The following NAV3 variants were observed in gnomAD, a reference collection of about 807,000 sequenced individuals.
The protein encoded by NAV3 is neuron navigator 3.
A neutral mutation model predicts 244.7 loss-of-function variants in NAV3; 87 were observed. That is an observed-to-expected ratio of 0.36 (90% CI 0.30 to 0.42). NAV3 has a LOEUF of 0.42. Ranked by LOEUF, NAV3 falls within the 20% of genes least tolerant of loss-of-function variation. The pLI is 1.00. For missense variants in NAV3, 2,663 were observed against 2,893.3 expected (o/e 0.92, Z 1.83); for synonymous variants, 1,126 against 1,042.2 (o/e 1.08, Z -1.55).
intron 1 of NAV3, among the ~76,000 whole-genome samples, chr12:77,867,888 G>C (rs1217780890): frequency 6.6e-6 from 1 of 152,204 alleles, no homozygotes; most frequent in African/African-American, 2.4e-5. Context: ...CACTGACCTA[G>C]TAGATTGCTG....
At chr12:77,601,193 A>C (rs758612254) in intron 2 of NAV3, among the ~76,000 whole-genome samples, 14 of 151,984 alleles carry the variant, frequency 9.2e-5, no homozygotes, top group Non-Finnish European at 1.8e-4. Context: ...TCTGCATTTC[A>C]GGTGAGATAA....
intron 23 of NAV3, among the ~76,000 whole-genome samples, chr12:78,161,609 A>G (rs2139436588): frequency 6.6e-6 from 1 of 152,220 alleles, no homozygotes; most frequent in South Asian, 2.1e-4. Flanking sequence ...AGATTTTATA[A>G]TGTGTCTACA....
At chr12:77,848,339 A>G (rs1310869649) in intron 1 of NAV3, among the ~76,000 whole-genome samples, 5 of 152,188 alleles carry the variant, frequency 3.3e-5, no homozygotes, top group African/African-American at 7.2e-5. Flanking sequence ...AACCAACTGG[A>G]TTGTGTAACT....
intron 1 of NAV3, among the ~76,000 whole-genome samples, chr12:77,933,190 G>T (rs1195688167): frequency 1.3e-5 from 2 of 152,072 alleles, no homozygotes; most frequent in African/African-American, 4.8e-5. Context: ...GATCAGATTT[G>T]CATTTTAAAG....
chr12:77,830,852 A>G (rs1873537027), upstream of NAV3: 1 of 152,182 alleles, frequency 6.6e-6, no homozygotes, highest in Admixed American at 6.5e-5. Context: ...GCTGGGGGAA[A>G]TACAATTTTC....
chr12:78,025,478 C>T (rs948859516), intron 9 of NAV3, among the ~76,000 whole-genome samples: 1 of 151,208 alleles, frequency 6.6e-6, no homozygotes, highest in African/African-American at 2.4e-5. Flanking sequence ...CACCTGTAGT[C>T]CCAGATACTT....
At chr12:78,159,765 A>G (rs187965499) in intron 23 of NAV3, among the ~76,000 whole-genome samples, 1 of 152,280 alleles carries the variant, frequency 6.6e-6, no homozygotes, top group African/African-American at 2.4e-5. Flanking sequence ...AGTTTACTCC[A>G]TATTGGAACA....
chr12:78,096,873 T>G (rs1463255010), intron 12 of NAV3, among the ~76,000 whole-genome samples: 1 of 152,214 alleles, frequency 6.6e-6, no homozygotes, highest in Non-Finnish European at 1.5e-5. Flanking sequence ...CTCTATCTCC[T>G]GTCTGTGCTA....
intron 5 of NAV3, among the ~76,000 whole-genome samples, chr12:77,969,142 ATGTGTGTG>A (rs3078729): frequency 2.0e-4 from 30 of 147,788 alleles, no homozygotes; most frequent in East Asian, 1.0e-3. Context: ...AGTGTTTTTG[ATGTGTGTG>A]TGTGTGTGTG....
At chr12:77,636,992 G>A (rs1262389870) in intron 2 of NAV3, among the ~76,000 whole-genome samples, 2 of 151,978 alleles carry the variant, frequency 1.3e-5, no homozygotes, top group Admixed American at 6.6e-5. Flanking sequence ...GCCTGTTGGG[G>A]GGTGGGGTCT....
chr12:77,971,487 G>A (rs1892992190), intron 5 of NAV3, among the ~76,000 whole-genome samples: 1 of 151,938 alleles, frequency 6.6e-6, no homozygotes, highest in African/African-American at 2.4e-5. Flanking sequence ...TATAGATTTA[G>A]TGTATCACAT....
chr12:77,674,174 C>T (rs923705531), intron 2 of NAV3, among the ~76,000 whole-genome samples: 7 of 152,150 alleles, frequency 4.6e-5, no homozygotes, highest in Admixed American at 4.6e-4. Context: ...TTTCTTCATA[C>T]AACTCTGGCT....
Position 77,759,831 on chromosome 12 carries a change from A to T in NAV3, c.73-180488A>T, listed in dbSNP as rs138664878. Among the ~76,000 whole-genome samples, 1,393 of 152,264 alleles carry T rather than the reference A, an allele frequency of 9.1e-3. 21 individuals are homozygous for T. The highest frequency in any genetic ancestry group is 0.014 in the Non-Finnish European group (983 of 68,010). On this transcript the variant is annotated intron_variant, in intron 2 of 8. Coordinates refer to the NAV3 transcript ENST00000550042. ...AAAGAACTAATGACTTTTTCCTAGTAAATTAGTTGACCTGCCCCTTATTGC... is the reference window on the plus strand; with the variant it reads ...AAAGAACTAATGACTTTTTCCTAGTTAATTAGTTGACCTGCCCCTTATTGC...
intron 2 of NAV3, among the ~76,000 whole-genome samples, chr12:77,712,987 G>C (rs550947329): frequency 6.6e-6 from 1 of 152,290 alleles, no homozygotes; most frequent in South Asian, 2.1e-4. Context: ...CACAGCCACT[G>C]TCTGATGTTG....
rs71088341 is a variant in NAV3 at position 77,831,169 on chromosome 12, C to CAGAGAGAGAGAGAGAGAGAGAG, written c.-289_-268dup. The CAGAGAGAGAGAGAGAGAGAGAG allele has an allele frequency of 1.4e-5, 2 of 141,150 alleles. No individual in the cohort carries two copies. Among genetic ancestry groups the CAGAGAGAGAGAGAGAGAGAGAG allele is most frequent in the African/African-American group, 8.8e-5 (2 of 22,660 alleles). The allele number at this position is 141,150 out of a possible 1,614,324, so 8.7% of individuals were successfully genotyped here. A position where few individuals can be genotyped will look rare whatever the true frequency, so the allele number is the denominator to read the frequency against. ...CACTGAACAGAGAGAGAGAGAGAGACAGAGAGAGAGAGAGAGAGAGAGAGA... is the reference window on the plus strand; with the variant it reads ...CACTGAACAGAGAGAGAGAGAGAGACAGAGAGAGAGAGAGAGAGAGAGAGAGAGAGAGAGAGAGAGAGAGAGA... On this transcript the variant is annotated 5_prime_UTR_variant, in exon 1 of 40. Transcript: ENST00000397909.
intron 19 of NAV3, among the ~76,000 whole-genome samples, chr12:78,138,103 G>A (rs371665673): frequency 6.6e-6 from 1 of 151,956 alleles, no homozygotes; most frequent in African/African-American, 2.4e-5. Flanking sequence ...ATATTATAAA[G>A]CATGTCAGCT....
intron 1 of NAV3, among the ~76,000 whole-genome samples, chr12:77,864,449 A>G (rs1218304526): frequency 2.0e-5 from 3 of 151,984 alleles, no homozygotes; most frequent in Non-Finnish European, 4.4e-5. Flanking sequence ...TCCCTGGTGC[A>G]ATAGGATGTA....
At chr12:77,950,256 T>G (rs943805244) in intron 3 of NAV3, among the ~76,000 whole-genome samples, 1 of 152,098 alleles carries the variant, frequency 6.6e-6, no homozygotes, top group Admixed American at 6.6e-5. Context: ...AAGTGTTTTA[T>G]TTTGCATTCC....
chr12:77,807,730 C>A (rs1872057633), intron 2 of NAV3, among the ~76,000 whole-genome samples: 1 of 152,164 alleles, frequency 6.6e-6, no homozygotes, highest in African/African-American at 2.4e-5. Flanking sequence ...GCCTGTCTTG[C>A]TAGGTTGGGG....
Sources: allele counts gnomAD v4.1 joint callset (sites outside exome capture counted in the v4.1 genomes callset), GRCh38; gene constraint gnomAD v4.1.1; transcripts MANE v1.5; gene names NCBI Gene and HGNC (gene_info 2026-07-23, HGNC 2026-07-21).